Variants in SYT5 observed in about 807,000 individuals in gnomAD.
The protein encoded by SYT5 is synaptotagmin 5, also known as synaptotagmin-5.
SYT5 carries 29 observed loss-of-function variants against 36.0 expected under a neutral mutation model. The observed-to-expected ratio is 0.81, with a 90% CI of 0.60 to 1.10. The LOEUF is 1.10. Among genes scored for constraint, SYT5 ranks in the 50% least tolerant of loss-of-function variants. The pLI is 0.00. For synonymous variants in SYT5, 231 were observed against 227.6 expected (o/e 1.02, Z -0.14); for missense variants, 512 against 516.0 (o/e 0.99, Z 0.08).
rs750069705 is a variant in SYT5, at chr19:55,175,821, G to A, written c.428C>T (p.Ser143Phe). 3.1e-6 allele frequency: 5 copies of A among 1,614,118 alleles called. No homozygotes were observed. The highest frequency in any genetic ancestry group is 4.2e-6 in the Non-Finnish European group (5 of 1,180,016). Reference protein sequence around the residue: ...MGLAALDLGGSSDPYVRVYLL... With the variant: ...MGLAALDLGGFSDPYVRVYLL... ...GTAGACCCGCACATAGGGGTCCGAGGAGCCACCAAGATCCAAGGCTGCCAA... is the reference window on the plus strand; with the variant it reads ...GTAGACCCGCACATAGGGGTCCGAGAAGCCACCAAGATCCAAGGCTGCCAA... The change falls in exon 5 of 9, where the codon TCC becomes TTC. Residue 143 changes from serine to phenylalanine, a missense_variant. Coordinates refer to ENST00000354308, the MANE Select transcript of SYT5 (RefSeq NM_003180.3). This position sits in a 1 kb window ranked among gnomAD's most constrained non-coding sequence, Gnocchi z 4.5.
In SYT5 at chr19:55,175,327, C is replaced by T; in HGVS notation, c.553G>A (p.Glu185Lys). ...ATGACCAGCACCCTGCCCCCCAGCT[C>T]CACGTAGGGGACCTGGAGTGCACAG... is the stretch of plus-strand genomic sequence containing the variant. ...ETFAFKVPYV[E>K]LGGRVLVMAV... Residue 185 changes from glutamate (E) to lysine (K), a missense_variant, in exon 6 of 9, where the codon GAG becomes AAG. Physicochemically the swap from Glu to Lys is moderately conservative, Grantham distance 56 (BLOSUM62 1). Transcript: ENST00000354308. This position sits in a 1 kb window ranked among gnomAD's most constrained non-coding sequence, Gnocchi z 4.5. 6.5e-7 allele frequency: 1 copy of T among 1,541,514 alleles called. No individual in the cohort carries two copies.
chr19:55,178,901 C>A (rs1215951098), intron 2 of SYT5, 62 bp downstream of exon 2: 38 of 1,389,838 alleles, frequency 2.7e-5, no homozygotes, highest in South Asian at 3.4e-5. Flanking sequence ...CCGAATCCCG[C>A]CCCTCGGAAT....
chr19:55,178,375 A>T lies in SYT5; in HGVS notation c.80-7T>A, dbSNP rs757636667. 6.2e-7 allele frequency: 1 copy of T among 1,608,012 alleles called. No individual in the cohort carries two copies. The highest frequency in any genetic ancestry group is 1.7e-5 in the Admixed American group (1 of 58,802). On this transcript the variant is annotated splice_polypyrimidine_tract_variant and splice_region_variant and intron_variant, in intron 2 of 8. Transcript: ENST00000354308. ...GCCAGGGCCCAGGGGGGCACTGCAG[A>T]GGGGTGGAGACAACACACATTGAGG...
chr19:55,176,211 C>T (rs1413560276), intron 3 of SYT5, 87 bp from the exon 4 acceptor site: 1 of 1,584,452 alleles, frequency 6.3e-7, no homozygotes, highest in Non-Finnish European at 8.6e-7. Context: ...GCTCACAGGT[C>T]CCTTGGGCTA....
rs2086024054 is a variant in SYT5 at position 55,173,254 on chromosome 19, G to C, written c.*230C>G. On this transcript the variant is annotated 3_prime_UTR_variant, in exon 9 of 9. Transcript: ENST00000354308. The surrounding 1 kb of genome is among the most constrained non-coding windows in gnomAD (Gnocchi z 5.4). ...GCTGCCTTCCCTTCCCGGGGTCCCT[G>C]GGGCATCTGGGTGTGTCCGCGAGGG... 4.9e-6 allele frequency: 2 copies of C among 412,212 alleles called. No homozygotes were observed. The highest frequency in any genetic ancestry group is 4.2e-6 in the Non-Finnish European group (1 of 237,912). 25.5% of individuals were successfully genotyped at this position (412,212 alleles called of 1,614,324 possible).
chr19:55,178,928 C>T, intron 2 of SYT5, 35 bp downstream of exon 2: 1 of 1,451,682 alleles, frequency 6.9e-7, no homozygotes, highest in Non-Finnish European at 9.1e-7. Context: ...CAGGCTTTCT[C>T]TCTGCTCGGC....
Position 55,172,469 on chromosome 19 carries a change from A to C in SYT5, c.*1015T>G, listed in dbSNP as rs931065876. The C allele has an allele frequency of 1.3e-5, 2 of 151,940 alleles. No individual in the cohort carries two copies. Among genetic ancestry groups the C allele is most frequent in the Admixed American group, 6.6e-5 (1 of 15,242 alleles). The allele number at this position is 151,940 out of a possible 1,614,324, so 9.4% of individuals were successfully genotyped here. A position where few individuals can be genotyped will look rare whatever the true frequency, so the allele number is the denominator to read the frequency against. ...AAAACAAACAAACAAAAAAAAAACA[A>C]GAGAAAAAGAAAGAAAAGGAAAGAC... On this transcript the variant is annotated 3_prime_UTR_variant, in exon 9 of 9. Coordinates refer to ENST00000354308, the MANE Select transcript of SYT5 (RefSeq NM_003180.3).
rs1449120730 is a variant in SYT5 at position 55,178,954 on chromosome 19, C to G, written c.79+9G>C. 1.3e-6 allele frequency: 2 copies of G among 1,507,304 alleles called. No individual in the cohort carries two copies. Among genetic ancestry groups the G allele is most frequent in the Non-Finnish European group, 8.9e-7 (1 of 1,128,454 alleles). 93.4% of individuals were successfully genotyped at this position (1,507,304 alleles called of 1,614,324 possible). ...TCTGCTCGGCCCCCCACCCCCGGGTCTTGCTCACCTGGGCCGTGGCTGATG... is the reference window on the plus strand; with the variant it reads ...TCTGCTCGGCCCCCCACCCCCGGGTGTTGCTCACCTGGGCCGTGGCTGATG... On this transcript the variant is annotated intron_variant, in intron 2 of 8. Coordinates refer to ENST00000354308, the MANE Select transcript of SYT5 (RefSeq NM_003180.3).
intron 3 of SYT5, 153 bp from the exon 4 acceptor site, chr19:55,176,277 C>G: frequency 9.7e-7 from 1 of 1,027,832 alleles, no homozygotes; most frequent in Non-Finnish European, 1.4e-6. Flanking sequence ...CTGTCTGCCA[C>G]AGGCAGGAAA....
In SYT5 at chr19:55,179,158, C is replaced by A. The variant is rs780072467; in HGVS notation, c.-45-72G>T. ...ACAAAGAACTCCAACTCCCATGAGG[C>A]CTTTGCGCGAACAGCCGCGCAGAAA... is the stretch of plus-strand genomic sequence containing the variant. On this transcript the variant is annotated intron_variant, in intron 1 of 8. Transcript: ENST00000354308. This position sits in a 1 kb window ranked among gnomAD's most constrained non-coding sequence, Gnocchi z 4.5. 21 of 1,536,668 alleles carry A rather than the reference C, an allele frequency of 1.4e-5. No individual in the cohort carries two copies. Among genetic ancestry groups the A allele is most frequent in the East Asian group, 9.8e-5 (4 of 40,780 alleles).
Position 55,179,522 on chromosome 19 carries a change from C to G in SYT5, c.-45-436G>C. The G allele has an allele frequency of 3.9e-6, 1 of 255,918 alleles. No individual in the cohort carries two copies. The highest frequency in any genetic ancestry group is 7.4e-6 in the Non-Finnish European group (1 of 135,282). The allele number at this position is 255,918 out of a possible 1,614,324, so 15.9% of individuals were successfully genotyped here. Reference sequence around the variant, plus strand: ...ACGCGGAGTCCCGGCGGGGCAGGCTCGCTCCGGGGCCCACCGGTGCCTGGG... The same window carrying G: ...ACGCGGAGTCCCGGCGGGGCAGGCTGGCTCCGGGGCCCACCGGTGCCTGGG... On this transcript the variant is annotated intron_variant, in intron 1 of 8. Coordinates refer to ENST00000354308, the MANE Select transcript of SYT5 (RefSeq NM_003180.3). The surrounding 1 kb of genome is among the most constrained non-coding windows in gnomAD (Gnocchi z 4.5).
rs1210069029 is a variant in SYT5, at chr19:55,173,714, A to T, written c.961-30T>A. ...GGTGGGCGCGGGAGGAAGAGGAGAG[A>T]GGAGCGTGAGGGGAGGAGGCCCCGG... On this transcript the variant is annotated intron_variant, in intron 8 of 8. Coordinates refer to ENST00000354308, the MANE Select transcript of SYT5 (RefSeq NM_003180.3). The surrounding 1 kb of genome is among the most constrained non-coding windows in gnomAD (Gnocchi z 5.4). 7.5e-7 allele frequency: 1 copy of T among 1,334,888 alleles called. No homozygotes were observed. Among genetic ancestry groups the T allele is most frequent in the Non-Finnish European group, 9.7e-7 (1 of 1,035,364 alleles). The allele number at this position is 1,334,888 out of a possible 1,614,324, so 82.7% of individuals were successfully genotyped here.
In SYT5 at chr19:55,179,186, G is replaced by A. The variant is rs2086116188; in HGVS notation, c.-45-100C>T. 2 of 1,533,644 alleles carry A rather than the reference G, an allele frequency of 1.3e-6. No individual in the cohort carries two copies. The highest frequency in any genetic ancestry group is 2.5e-5 in the East Asian group (1 of 40,578). On this transcript the variant is annotated intron_variant, in intron 1 of 8. Transcript: ENST00000354308. This position sits in a 1 kb window ranked among gnomAD's most constrained non-coding sequence, Gnocchi z 4.5. ...TTGCGCGAACAGCCGCGCAGAAACC[G>A]GACAGCCACCGCGAGTCATGCTGGG... is the stretch of plus-strand genomic sequence containing the variant.
In SYT5 at chr19:55,175,489, G is replaced by A. The variant is rs2086065500; in HGVS notation, c.541-150C>T. On this transcript the variant is annotated intron_variant, in intron 5 of 8. Transcript: ENST00000354308. The surrounding 1 kb of genome is among the most constrained non-coding windows in gnomAD (Gnocchi z 4.5). Reference sequence around the variant, plus strand: ...AATGGGAAAGTCCAGGGATCCATGCGGAAAAAAATCACGGGTCAGTGGAAC... The same window carrying A: ...AATGGGAAAGTCCAGGGATCCATGCAGAAAAAAATCACGGGTCAGTGGAAC... 2 of 1,130,666 alleles carry A rather than the reference G, an allele frequency of 1.8e-6. No homozygotes were observed. Among genetic ancestry groups the A allele is most frequent in the Non-Finnish European group, 2.4e-6 (2 of 818,494 alleles). The allele number at this position is 1,130,666 out of a possible 1,614,324, so 70.0% of individuals were successfully genotyped here.
At position 55,172,705 on chromosome 19, in the gene SYT5, C is replaced by A. The variant is rs1229442212; in HGVS notation, c.*779G>T. ...TGGGGCCCCAGCACTCAACAGAAGA[C>A]CTCAGGGAATATGGAATGGAAGGAA... On this transcript the variant is annotated 3_prime_UTR_variant, in exon 9 of 9. Coordinates refer to ENST00000354308, the MANE Select transcript of SYT5 (RefSeq NM_003180.3). 6.6e-6 allele frequency: 1 copy of A among 151,128 alleles called. No homozygotes were observed. Among genetic ancestry groups the A allele is most frequent in the African/African-American group, 2.4e-5 (1 of 40,952 alleles). 9.4% of individuals were successfully genotyped at this position (151,128 alleles called of 1,614,324 possible). A position where few individuals can be genotyped will look rare whatever the true frequency, so the allele number is the denominator to read the frequency against.
At position 55,175,581 on chromosome 19, in the gene SYT5, T is replaced by C; in HGVS notation, c.540+128A>G. 7.6e-7 allele frequency: 1 copy of C among 1,308,116 alleles called. No individual in the cohort carries two copies. 81.0% of individuals were successfully genotyped at this position (1,308,116 alleles called of 1,614,324 possible). On this transcript the variant is annotated intron_variant, in intron 5 of 8. Transcript: ENST00000354308. This position sits in a 1 kb window ranked among gnomAD's most constrained non-coding sequence, Gnocchi z 4.5. ...CAGTAGTGCCCAGGGTCCAGTGGAA[T>C]AGCCCCAGAGCTGGTAGCTGCCACC...
Position 55,173,114 on chromosome 19 carries a change from T to G in SYT5, c.*370A>C. On this transcript the variant is annotated 3_prime_UTR_variant, in exon 9 of 9. Coordinates refer to ENST00000354308, the MANE Select transcript of SYT5 (RefSeq NM_003180.3). This position sits in a 1 kb window ranked among gnomAD's most constrained non-coding sequence, Gnocchi z 5.4. ...CCCAGGCCACCGGAGCTGCTGAATA[T>G]TTATTTGGCCCCAGGAGCAGTGCAG... 6.2e-5 allele frequency: 12 copies of G among 193,688 alleles called. No individual in the cohort carries two copies. Among genetic ancestry groups the G allele is most frequent in the East Asian group, 1.2e-4 (1 of 8,384 alleles). The allele number at this position is 193,688 out of a possible 1,614,324, so 12.0% of individuals were successfully genotyped here. A position where few individuals can be genotyped will look rare whatever the true frequency, so the allele number is the denominator to read the frequency against.
At position 55,173,524 on chromosome 19, in the gene SYT5, A is replaced by T; in HGVS notation, c.1121T>A (p.Leu374Gln). Reference protein sequence around the residue: ...PRRPIAQWHSLRPPDRVRLLP... With the variant: ...PRRPIAQWHSQRPPDRVRLLP... ...CAGCCTCACTCGGTCCGGGGGCCGC[A>T]GCGAGTGCCACTGGGCAATGGGCCG... Residue 374 changes from leucine (L) to glutamine (Q), a missense_variant, in exon 9 of 9, where the codon CTG becomes CAG. Physicochemically the swap from Leu to Gln is moderately radical, Grantham distance 113. Coordinates refer to ENST00000354308, the MANE Select transcript of SYT5 (RefSeq NM_003180.3). This position sits in a 1 kb window ranked among gnomAD's most constrained non-coding sequence, Gnocchi z 5.4. 7.1e-7 allele frequency: 1 copy of T among 1,409,034 alleles called. No individual in the cohort carries two copies. Among genetic ancestry groups the T allele is most frequent in the Non-Finnish European group, 9.2e-7 (1 of 1,081,428 alleles). The allele number at this position is 1,409,034 out of a possible 1,614,324, so 87.3% of individuals were successfully genotyped here. A position where few individuals can be genotyped will look rare whatever the true frequency, so the allele number is the denominator to read the frequency against.
chr19:55,175,142 G>A lies in SYT5; in HGVS notation c.708+30C>T. 3 of 1,577,050 alleles carry A rather than the reference G, an allele frequency of 1.9e-6. No individual in the cohort carries two copies. The highest frequency in any genetic ancestry group is 2.6e-6 in the Non-Finnish European group (3 of 1,166,460). ...TGTGGGCGGGACTGGGCCTGGGGGC[G>A]TGGCTCGGGGCGCGACCGCGCATGC... On this transcript the variant is annotated intron_variant, in intron 6 of 8. Transcript: ENST00000354308. This position sits in a 1 kb window ranked among gnomAD's most constrained non-coding sequence, Gnocchi z 4.5.
Sources: allele counts gnomAD v4.1 joint callset, GRCh38; gene constraint gnomAD v4.1.1; non-coding constraint Gnocchi (gnomAD v3.1); transcripts MANE v1.5; gene names NCBI Gene and HGNC (gene_info 2026-07-23, HGNC 2026-07-21).